The following NRXN3 variants were observed in gnomAD, a reference collection of about 807,000 sequenced individuals.
NRXN3 encodes neurexin III.
NRXN3 carries 32 observed loss-of-function variants against 137.6 expected under a neutral mutation model. The ratio of observed to expected loss-of-function variants is 0.23; its 90% confidence interval spans 0.18 to 0.31. The LOEUF (loss-of-function observed/expected upper bound fraction) is 0.31, where lower values mean the gene tolerates loss of function less well. Ranked by LOEUF, NRXN3 falls within the 10% of genes least tolerant of loss-of-function variation. NRXN3 has a pLI of 1.00. For missense variants in NRXN3, 1,574 were observed against 2,062.5 expected, an observed-to-expected ratio of 0.76 and a Z score of 4.59; for synonymous variants, 798 against 784.5, an observed-to-expected ratio of 1.02 and a Z score of -0.29.
At chr14:79,301,125 G>A (rs951546356) in intron 15 of NRXN3, among the ~76,000 whole-genome samples, 1 of 151,894 alleles carries the variant, frequency 6.6e-6, no homozygotes, top group Non-Finnish European at 1.5e-5. Context: ...CGTTTAATAT[G>A]CTATATAGTT....
chr14:79,666,981 A>G (rs2098561481), intron 17 of NRXN3, among the ~76,000 whole-genome samples: 1 of 151,806 alleles, frequency 6.6e-6, no homozygotes, highest in Non-Finnish European at 1.5e-5. Context: ...CTCTGCCAAG[A>G]CTTCCTAGGA....
chr14:78,539,457 G>T (rs2096567816), intron 4 of NRXN3, among the ~76,000 whole-genome samples: 1 of 152,030 alleles, frequency 6.6e-6, no homozygotes, highest in African/African-American at 2.4e-5. Flanking sequence ...GATCAATGGT[G>T]ATATCCCCTT....
intron 6 of NRXN3, among the ~76,000 whole-genome samples, chr14:78,653,322 C>T (rs1315684138): frequency 6.6e-6 from 1 of 152,122 alleles, no homozygotes; most frequent in African/African-American, 2.4e-5. Context: ...CTGAAAGACT[C>T]TTAAACACTG....
chr14:78,227,697 T>C (rs981104055), intron 1 of NRXN3, among the ~76,000 whole-genome samples: 5 of 152,220 alleles, frequency 3.3e-5, no homozygotes, highest in Non-Finnish European at 7.3e-5. Flanking sequence ...GTGGTGCTTA[T>C]AGGCTTGGAA....
intron 4 of NRXN3, among the ~76,000 whole-genome samples, chr14:78,433,655 G>T (rs1391788677): frequency 6.6e-6 from 1 of 152,038 alleles, no homozygotes; most frequent in Non-Finnish European, 1.5e-5. Flanking sequence ...CTTTTCTTGC[G>T]TGCATGCTCT....
At chr14:78,520,072 T>C (rs951825140) in intron 4 of NRXN3, among the ~76,000 whole-genome samples, 2 of 152,168 alleles carry the variant, frequency 1.3e-5, no homozygotes, top group Non-Finnish European at 2.9e-5. Flanking sequence ...ACATCCCCTG[T>C]TCAAGCCTTC....
chr14:78,274,186 A>G (rs1434073739), intron 2 of NRXN3, among the ~76,000 whole-genome samples: 2 of 152,186 alleles, frequency 1.3e-5, no homozygotes, highest in African/African-American at 2.4e-5. Flanking sequence ...TTTCCTCCCA[A>G]TGGTTATGTA....
chr14:78,726,333 C>T (rs1014261593), intron 8 of NRXN3, among the ~76,000 whole-genome samples: 1 of 152,014 alleles, frequency 6.6e-6, no homozygotes, highest in Admixed American at 6.6e-5. Context: ...AATGCTGTCC[C>T]TTCCCTAGAC....
chr14:78,831,617 G>A (rs2098982651), intron 10 of NRXN3, among the ~76,000 whole-genome samples: 1 of 150,902 alleles, frequency 6.6e-6, no homozygotes, highest in Admixed American at 6.6e-5. Context: ...AGTTTTCATG[G>A]GTGAATATCA....
intron 19 of NRXN3, among the ~76,000 whole-genome samples, chr14:79,770,952 G>T (rs1200465841): frequency 1.3e-5 from 2 of 152,162 alleles, no homozygotes; most frequent in African/African-American, 2.4e-5. Context: ...TATCACCACC[G>T]ATCCCACAGA....
At chr14:79,497,367 G>T (rs2153666096) in intron 16 of NRXN3, among the ~76,000 whole-genome samples, 1 of 152,198 alleles carries the variant, frequency 6.6e-6, no homozygotes, top group East Asian at 1.9e-4. Context: ...TTGTTGACCT[G>T]AGTGTCCCAT....
At chr14:79,330,977 T>C (rs2091603709) in intron 15 of NRXN3, among the ~76,000 whole-genome samples, 1 of 152,146 alleles carries the variant, frequency 6.6e-6, no homozygotes, top group Non-Finnish European at 1.5e-5. Flanking sequence ...AAAATGAAAC[T>C]TTTATTTTGG....
intron 16 of NRXN3, among the ~76,000 whole-genome samples, chr14:79,578,928 C>G (rs1286457749): frequency 6.6e-6 from 1 of 152,012 alleles, no homozygotes; most frequent in Non-Finnish European, 1.5e-5. Flanking sequence ...TAACTCTCTC[C>G]CTCTACTTTC....
rs187434354 is a variant in NRXN3 at position 79,262,409 on chromosome 14, G to A, written c.3263-204812G>A. ...GAGAAGGAAGAAGAAAGGAGGAGGA[G>A]GAAGAAGGAAAAGGAGAAGAGGAAG... On this transcript the variant is annotated intron_variant, in intron 15 of 20. Transcript: ENST00000335750. Among the ~76,000 whole-genome samples the A allele has an allele frequency of 4.5e-3, 676 of 149,122 alleles. 7 individuals are homozygous for A. The highest frequency in any genetic ancestry group is 0.017 in the African/African-American group (658 of 39,532).
intron 4 of NRXN3, among the ~76,000 whole-genome samples, chr14:78,386,330 A>C (rs145871663): frequency 2.6e-4 from 39 of 152,304 alleles, no homozygotes; most frequent in Admixed American, 1.2e-3. Context: ...AAGTTGTTCC[A>C]TGGTCTTAGG....
At position 78,428,057 on chromosome 14, in the gene NRXN3, A is replaced by AT. The variant is rs199933460; in HGVS notation, c.757+130200dup. Among the ~76,000 whole-genome samples the AT allele has an allele frequency of 6.3e-3, 952 of 152,274 alleles. 28 individuals carry two copies. The East Asian group carries it at 0.066, about 11-fold the overall frequency. On this transcript the variant is annotated intron_variant, in intron 4 of 20. Transcript: ENST00000335750. ...ATCTCTTGATGACCTCAGTTTTCTGATTTGTTTAAAAATATAAGATAATAT... is the reference window on the plus strand; with the variant it reads ...ATCTCTTGATGACCTCAGTTTTCTGATTTTGTTTAAAAATATAAGATAATAT...
chr14:78,831,383 A>G (rs1567446417), intron 10 of NRXN3, among the ~76,000 whole-genome samples: 1 of 151,926 alleles, frequency 6.6e-6, no homozygotes, highest in South Asian at 2.1e-4. Flanking sequence ...TAAAAATACA[A>G]AAATTAGCCG....
chr14:78,483,383 C>T (rs1167151414), intron 4 of NRXN3, among the ~76,000 whole-genome samples: 5 of 152,190 alleles, frequency 3.3e-5, no homozygotes, highest in African/African-American at 1.2e-4. Flanking sequence ...CTAAGGTTTT[C>T]TTACTGACTT....
chr14:79,791,751 G>A (rs764203436), intron 19 of NRXN3, among the ~76,000 whole-genome samples: 23 of 151,848 alleles, frequency 1.5e-4, no homozygotes, highest in Non-Finnish European at 2.6e-4. Context: ...AGTCTTTTTC[G>A]TTTTATCAAG....
Sources: gnomAD v4.1 joint callset for allele counts (sites outside exome capture counted in the v4.1 genomes callset) on GRCh38, gnomAD v4.1.1 for gene constraint, MANE v1.5 for transcripts, NCBI Gene and HGNC (gene_info 2026-07-23, HGNC 2026-07-21) for gene names.